The following WASF2 variants were observed in gnomAD, a reference collection of about 807,000 sequenced individuals.
WASF2 encodes actin-binding protein WASF2.
Under a neutral mutation model 45.0 loss-of-function variants are expected in WASF2, and 14 were observed. The ratio of observed to expected loss-of-function variants is 0.31; its 90% CI spans 0.21 to 0.49. WASF2 has a LOEUF of 0.49. WASF2 is among the 20% of genes least tolerant of loss of function. The pLI, the probability that WASF2 is intolerant of heterozygous loss-of-function variation, is 0.99. For synonymous variants in WASF2, 200 were observed against 236.3 expected, an observed-to-expected ratio of 0.85 and a Z score of 1.41; for missense variants, 439 against 636.1, an observed-to-expected ratio of 0.69 and a Z score of 3.33.
At chr1:27,442,481 T>C (rs1226126396) in intron 1 of WASF2, among the ~76,000 whole-genome samples, 2 of 149,628 alleles carry the variant, frequency 1.3e-5, no homozygotes, top group Admixed American at 6.7e-5. Flanking sequence ...CAGGTGGAGG[T>C]TGCAGTGAAC....
At chr1:27,454,174 TATATATATATATA>T (rs1160078998) in intron 1 of WASF2, among the ~76,000 whole-genome samples, 2 of 17,470 alleles carry the variant, frequency 1.1e-4, no homozygotes, top group African/African-American at 3.1e-4. Flanking sequence ...TATATATATA[TATATATATATATA>T]TTTTTTTTTT....
chr1:27,430,362 A>G (rs913146849), intron 1 of WASF2, among the ~76,000 whole-genome samples: 4 of 151,910 alleles, frequency 2.6e-5, no homozygotes, highest in Non-Finnish European at 5.9e-5. Context: ...TTTTTTTCTT[A>G]TTTTTTATTC....
chr1:27,486,648 G>C (rs2017929739), intron 1 of WASF2, among the ~76,000 whole-genome samples: 1 of 152,162 alleles, frequency 6.6e-6, no homozygotes, highest in Non-Finnish European at 1.5e-5. Flanking sequence ...ACTCAGCTGG[G>C]CGTGGTGGCT....
At chr1:27,409,153 G>C (rs1274273833) in intron 8 of WASF2, among the ~76,000 whole-genome samples, 2 of 152,060 alleles carry the variant, frequency 1.3e-5, no homozygotes, top group Non-Finnish European at 2.9e-5. Context: ...GGCCGGGCGC[G>C]GTGGCTCACG....
chr1:27,462,982 G>T (rs1208245743), intron 1 of WASF2, among the ~76,000 whole-genome samples: 1 of 151,982 alleles, frequency 6.6e-6, no homozygotes, highest in African/African-American at 2.4e-5. Flanking sequence ...ACCATGCCTG[G>T]CTAATTTTAG....
chr1:27,466,288 A>C (rs1034490822), intron 1 of WASF2, among the ~76,000 whole-genome samples: 2 of 152,226 alleles, frequency 1.3e-5, no homozygotes, highest in Non-Finnish European at 2.9e-5. Context: ...AAATCTAATC[A>C]TTTTTCACAC....
At chr1:27,454,940 CAT>C (rs1212598753) in intron 1 of WASF2, among the ~76,000 whole-genome samples, 1 of 151,976 alleles carries the variant, frequency 6.6e-6, no homozygotes, top group African/African-American at 2.4e-5. Context: ...TGTTTTTGTA[CAT>C]GTCTCCTGGT....
chr1:27,405,599 CTTTTTTT>C lies in WASF2; in HGVS notation c.*2583_*2589del, dbSNP rs769753375. The C allele has an allele frequency of 3.5e-5, 2 of 56,644 alleles. No homozygotes were observed. The highest frequency in any genetic ancestry group is 8.6e-4 in the South Asian group (1 of 1,162). The allele number at this position is 56,644 out of a possible 1,614,324, so 3.5% of individuals were successfully genotyped here. A position where few individuals can be genotyped will look rare whatever the true frequency, so the allele number is the denominator to read the frequency against. ...TAAAGGGCTCTGGGTCTAAAGAAGC[CTTTTTTT>C]TTTTTTTTTTTTTTTTTTTTTTTTT... is the stretch of plus-strand genomic sequence containing the variant. On this transcript the variant is annotated 3_prime_UTR_variant, in exon 9 of 9. Transcript: ENST00000618852.
At chr1:27,464,798 G>T (rs566806107) in intron 1 of WASF2, among the ~76,000 whole-genome samples, 2 of 152,312 alleles carry the variant, frequency 1.3e-5, no homozygotes, top group African/African-American at 2.4e-5. Flanking sequence ...GCACGATCTT[G>T]GCTTACTGCA....
chr1:27,444,827 T>C (rs1052667358), intron 1 of WASF2, among the ~76,000 whole-genome samples: 1 of 152,254 alleles, frequency 6.6e-6, no homozygotes, highest in Non-Finnish European at 1.5e-5. Context: ...TTCAAGAGAC[T>C]ATTATCTGGA....
intron 1 of WASF2, among the ~76,000 whole-genome samples, chr1:27,446,097 T>C (rs997147837): frequency 3.3e-5 from 5 of 152,156 alleles, no homozygotes; most frequent in African/African-American, 4.8e-5. Flanking sequence ...AAATAGCTCA[T>C]TAAATATAAT....
intron 2 of WASF2, among the ~76,000 whole-genome samples, chr1:27,424,347 C>A (rs1208601532): frequency 1.3e-5 from 2 of 152,178 alleles, no homozygotes; most frequent in Non-Finnish European, 2.9e-5. Context: ...ACCTGTGCCC[C>A]CACTACCCAC....
At chr1:27,471,612 C>T (rs898199279) in intron 1 of WASF2, among the ~76,000 whole-genome samples, 2 of 152,064 alleles carry the variant, frequency 1.3e-5, no homozygotes, top group African/African-American at 2.4e-5. Flanking sequence ...TGGCCAACAG[C>T]GCAAGAACCT....
At chr1:27,408,374 G>A (rs375546646) in intron 8 of WASF2, 28 bp from the exon 9 acceptor site, 2 of 1,613,870 alleles carry the variant, frequency 1.2e-6, no homozygotes, top group African/African-American at 2.7e-5. Context: ...GAAGGGTGAG[G>A]AAGGCGTGTC....
chr1:27,452,088 C>G (rs1009735082), intron 1 of WASF2, among the ~76,000 whole-genome samples: 2 of 152,140 alleles, frequency 1.3e-5, no homozygotes, highest in Admixed American at 1.3e-4. Context: ...TTTCTCTGAG[C>G]CTCAGTTTTT....
rs1305740539 is a variant in WASF2, at chr1:27,414,987, G to C, written c.538-24C>G. The C allele has an allele frequency of 6.2e-7, 1 of 1,611,240 alleles. No homozygotes were observed. Among genetic ancestry groups the C allele is most frequent in the Non-Finnish European group, 8.5e-7 (1 of 1,178,702 alleles). ...TTCTATAATGAAAAGGAACAGGAAG[G>C]TCTTTGTAGAACATTTTCCAAGTTC... On this transcript the variant is annotated intron_variant, in intron 5 of 8. Coordinates refer to ENST00000618852, the MANE Select transcript of WASF2 (RefSeq NM_006990.5). This position sits in a 1 kb window ranked among gnomAD's most constrained non-coding sequence, Gnocchi z 4.1.
At chr1:27,442,173 C>T (rs2017246684) in intron 1 of WASF2, among the ~76,000 whole-genome samples, 1 of 151,624 alleles carries the variant, frequency 6.6e-6, no homozygotes, top group African/African-American at 2.4e-5. Flanking sequence ...ATAGAAAGAC[C>T]CTATCTTTAC....
rs575767319 is a variant in WASF2 at position 27,449,598 on chromosome 1, C to CA, written c.-43-20666dup. ...TGGGCAACAGAGCGAGACTCCATCT[C>CA]AAAAAAAAAAAAAAGTTTATCAAAT... On this transcript the variant is annotated intron_variant, in intron 1 of 8. Coordinates refer to ENST00000618852, the MANE Select transcript of WASF2 (RefSeq NM_006990.5). Among the ~76,000 whole-genome samples, 642 of 128,286 alleles carry CA rather than the reference C, an allele frequency of 5.0e-3. 2 individuals carry two copies. Among genetic ancestry groups the CA allele is most frequent in the South Asian group, 8.1e-3 (33 of 4,076 alleles). The allele number at this position is 128,286 out of a possible 152,430, so 84.2% of individuals were successfully genotyped here.
chr1:27,456,884 C>T (rs1346522989), intron 1 of WASF2, among the ~76,000 whole-genome samples: 3 of 151,890 alleles, frequency 2.0e-5, no homozygotes, highest in Non-Finnish European at 4.4e-5. Context: ...TATAGGCGTC[C>T]GTCCGCCGCC....
Sources: allele counts gnomAD v4.1 joint callset (sites outside exome capture counted in the v4.1 genomes callset), GRCh38; gene constraint gnomAD v4.1.1; non-coding constraint Gnocchi (gnomAD v3.1); transcripts MANE v1.5; gene names NCBI Gene and HGNC (gene_info 2026-07-23, HGNC 2026-07-21).